The following ZBTB20 variants were observed in gnomAD, a reference collection of about 807,000 sequenced individuals.
The protein encoded by ZBTB20 is zinc finger and BTB domain-containing protein 20.
Under a neutral mutation model 56.9 loss-of-function variants are expected in ZBTB20, and 9 were observed. The observed-to-expected ratio is 0.16, with a 90% CI of 0.10 to 0.28. ZBTB20 has a LOEUF of 0.28. ZBTB20 is among the 10% of genes least tolerant of loss of function. The pLI is 1.00. For synonymous variants in ZBTB20, 417 were observed against 420.7 expected (o/e 0.99, Z 0.11); for missense variants, 655 against 1,003.0 (o/e 0.65, Z 4.69).
In ZBTB20 at chr3:114,530,681, A is replaced by G. The variant is rs113537144; in HGVS notation, c.-294-30290T>C. On this transcript the variant is annotated intron_variant, in intron 6 of 11. Coordinates refer to ENST00000675478, the MANE Select transcript of ZBTB20 (RefSeq NM_001348800.3). ...GTTTTTAACATCATTACCACCTATG[A>G]AATTACAGGTATTAACTACTGTCTC... Among the ~76,000 whole-genome samples, 212 of 152,304 alleles carry G rather than the reference A, an allele frequency of 1.4e-3. 2 individuals are homozygous for G. Among genetic ancestry groups the G allele is most frequent in the African/African-American group, 4.9e-3 (204 of 41,558 alleles).
chr3:114,324,569 G>A lies in ZBTB20; in HGVS notation c.*14436C>T, dbSNP rs542934737. On this transcript the variant is annotated 3_prime_UTR_variant, in exon 12 of 12. Coordinates refer to ENST00000675478, the MANE Select transcript of ZBTB20 (RefSeq NM_001348800.3). ...ACAGAAATTCTCAAGGCCCCTCTCA[G>A]AATGATCAATTGAAAATTGGTACAA... 1 of 151,794 alleles carries A rather than the reference G, an allele frequency of 6.6e-6. No homozygotes were observed. The highest frequency in any genetic ancestry group is 1.5e-5 in the Non-Finnish European group (1 of 67,940). 9.4% of individuals were successfully genotyped at this position (151,794 alleles called of 1,614,324 possible). A position where few individuals can be genotyped will look rare whatever the true frequency, so the allele number is the denominator to read the frequency against.
At chr3:114,638,619 T>TA (rs1484307748) in intron 6 of ZBTB20, among the ~76,000 whole-genome samples, 2 of 152,062 alleles carry the variant, frequency 1.3e-5, no homozygotes, top group African/African-American at 4.8e-5. Context: ...CTTGATTAAA[T>TA]ATGCTAGACT....
At chr3:115,098,655 GA>G (rs1173671936) in intron 1 of ZBTB20, among the ~76,000 whole-genome samples, 1 of 152,108 alleles carries the variant, frequency 6.6e-6, no homozygotes, top group East Asian at 1.9e-4. Flanking sequence ...TTTAAAAGAA[GA>G]GGTAAAAAAG....
At chr3:115,028,667 T>A (rs868279895) in intron 2 of ZBTB20, among the ~76,000 whole-genome samples, 1 of 150,442 alleles carries the variant, frequency 6.6e-6, no homozygotes, top group African/African-American at 2.4e-5. Context: ...ACCAAGAAAG[T>A]TGAAAGTTTT....
chr3:114,649,707 T>A (rs1295341456), intron 6 of ZBTB20, among the ~76,000 whole-genome samples: 1 of 151,998 alleles, frequency 6.6e-6, no homozygotes, highest in Non-Finnish European at 1.5e-5. Context: ...AGTATTGTTG[T>A]TGTTGGTTTG....
At chr3:114,385,475 A>C (rs755244704) in intron 8 of ZBTB20, among the ~76,000 whole-genome samples, 6 of 152,150 alleles carry the variant, frequency 3.9e-5, no homozygotes, top group Non-Finnish European at 8.8e-5. Flanking sequence ...AAGCCATGTA[A>C]AGTGATTTGC....
rs1365476415 is a variant in ZBTB20, at chr3:114,381,831, A to T, written c.-153-891T>A. On this transcript the variant is annotated intron_variant, in intron 8 of 11. Transcript: ENST00000675478. ...GGCAGGAGGCAGAGATGGCATGGCA[A>T]AGATTAGAATAGAGGTGAGGCTTTC... Among the ~76,000 whole-genome samples the T allele has an allele frequency of 3.3e-5, 5 of 152,222 alleles. No homozygotes were observed. In the East Asian group the frequency reaches 9.6e-4, roughly 29 times the overall value.
chr3:114,784,710 T>C (rs1262433340), intron 5 of ZBTB20, among the ~76,000 whole-genome samples: 1 of 152,202 alleles, frequency 6.6e-6, no homozygotes, highest in Non-Finnish European at 1.5e-5. Flanking sequence ...GAATAAACCA[T>C]ACTACAAAAA....
chr3:114,736,933 G>C (rs552723303), intron 5 of ZBTB20, among the ~76,000 whole-genome samples: 25 of 152,276 alleles, frequency 1.6e-4, no homozygotes, highest in African/African-American at 3.6e-4. Flanking sequence ...GGGAGCTACA[G>C]ATAAGAAAAG....
chr3:114,749,143 A>G (rs2067351639), intron 5 of ZBTB20, among the ~76,000 whole-genome samples: 3 of 152,222 alleles, frequency 2.0e-5, no homozygotes, highest in Admixed American at 2.0e-4. Context: ...GGGAAAATCA[A>G]AGGATGTTGC....
chr3:114,684,842 G>A (rs542208245), intron 6 of ZBTB20, among the ~76,000 whole-genome samples: 1 of 152,090 alleles, frequency 6.6e-6, no homozygotes, highest in East Asian at 1.9e-4. Context: ...GAACACACAT[G>A]TCTTCCCTTT....
intron 6 of ZBTB20, among the ~76,000 whole-genome samples, chr3:114,517,877 T>C (rs7641602): frequency 0.03 from 4,580 of 152,120 alleles, 199 homozygotes; most frequent in African/African-American, 0.1. Flanking sequence ...CCCAGCCATT[T>C]GACATGTATT....
rs77952861 is a variant in ZBTB20, at chr3:114,496,256, G to A, written c.-255+4096C>T. Among the ~76,000 whole-genome samples the A allele has an allele frequency of 9.2e-3, 1,407 of 152,174 alleles. 22 individuals are homozygous for A. Among genetic ancestry groups the A allele is most frequent in the African/African-American group, 0.032 (1,322 of 41,526 alleles). Reference sequence around the variant, plus strand: ...GCCCGGCTGTGCATGCCATATTGGTGCTATAAGACTGGCAGTAGGTTGGCT... The same window carrying A: ...GCCCGGCTGTGCATGCCATATTGGTACTATAAGACTGGCAGTAGGTTGGCT... On this transcript the variant is annotated intron_variant, in intron 7 of 11. Transcript: ENST00000675478.
intron 3 of ZBTB20, among the ~76,000 whole-genome samples, chr3:114,925,004 A>C (rs1328389206): frequency 2.8e-5 from 2 of 70,492 alleles, no homozygotes; most frequent in Admixed American, 4.0e-4. Flanking sequence ...TTTTTTTTTT[A>C]GATGAAGTCT....
At chr3:114,465,716 A>T (rs1052581885) in intron 7 of ZBTB20, among the ~76,000 whole-genome samples, 2 of 151,988 alleles carry the variant, frequency 1.3e-5, no homozygotes, top group Admixed American at 1.3e-4. Flanking sequence ...TAAAAAAAAA[A>T]AAGAAAGAAA....
chr3:114,966,607 G>A (rs2077657442), intron 3 of ZBTB20, among the ~76,000 whole-genome samples: 1 of 151,992 alleles, frequency 6.6e-6, no homozygotes, highest in Admixed American at 6.6e-5. Flanking sequence ...CCAACTGTTA[G>A]TGAATAGTTC....
At chr3:114,897,132 A>C (rs957870821) in intron 4 of ZBTB20, among the ~76,000 whole-genome samples, 1 of 152,166 alleles carries the variant, frequency 6.6e-6, no homozygotes, top group Non-Finnish European at 1.5e-5. Flanking sequence ...CAGACAACAG[A>C]TACTATTATT....
At chr3:115,122,224 G>C (rs1317199905) in intron 1 of ZBTB20, among the ~76,000 whole-genome samples, 1 of 152,054 alleles carries the variant, frequency 6.6e-6, no homozygotes, top group African/African-American at 2.4e-5. Flanking sequence ...AAAGATGAGA[G>C]ATGAATTTCT....
intron 3 of ZBTB20, among the ~76,000 whole-genome samples, chr3:114,942,062 C>T (rs2076738686): frequency 1.4e-5 from 2 of 146,162 alleles, no homozygotes; most frequent in African/African-American, 2.8e-5. Context: ...ATAATACTGA[C>T]TTCCCCTTAT....
Sources: allele counts gnomAD v4.1 joint callset (sites outside exome capture counted in the v4.1 genomes callset), GRCh38; gene constraint gnomAD v4.1.1; transcripts MANE v1.5; gene names NCBI Gene and HGNC (gene_info 2026-07-23, HGNC 2026-07-21).